The following UPF2 variants were observed in gnomAD, a reference collection of about 807,000 sequenced individuals.
UPF2 encodes regulator of nonsense transcripts 2.
A neutral mutation model predicts 141.4 loss-of-function variants in UPF2; 17 were observed. That is an observed-to-expected ratio of 0.12 (90% CI 0.08 to 0.18). The LOEUF is 0.18. Ranked by LOEUF, UPF2 falls within the 10% of genes least tolerant of loss-of-function variation. The pLI is 1.00. For synonymous variants in UPF2, 540 were observed against 498.0 expected (o/e 1.08, Z -1.12); for missense variants, 1,152 against 1,515.9 (o/e 0.76, Z 3.99).
At chr10:11,945,052 T>C (rs1190186091) in intron 16 of UPF2, among the ~76,000 whole-genome samples, 1 of 152,238 alleles carries the variant, frequency 6.6e-6, no homozygotes, top group Non-Finnish European at 1.5e-5. Flanking sequence ...CCATGAACAA[T>C]AAATGCTCAG....
In UPF2 at chr10:12,004,452, A is replaced by G. The variant is rs1834001669; in HGVS notation, c.1504+78T>C. ...TACAAAACTAGTAACTACAATATAT[A>G]TATTTTTTTTTTACAAATACTATTT... On this transcript the variant is annotated intron_variant, in intron 5 of 21. Coordinates refer to ENST00000357604, the MANE Select transcript of UPF2 (RefSeq NM_015542.4). 3 of 1,129,798 alleles carry G rather than the reference A, an allele frequency of 2.7e-6. No individual in the cohort carries two copies. The East Asian group carries it at 7.8e-5, about 29-fold the overall frequency. 70.0% of individuals were successfully genotyped at this position (1,129,798 alleles called of 1,614,324 possible). A position where few individuals can be genotyped will look rare whatever the true frequency, so the allele number is the denominator to read the frequency against.
At chr10:11,996,557 T>G (rs1364643156) in intron 8 of UPF2, among the ~76,000 whole-genome samples, 2 of 152,198 alleles carry the variant, frequency 1.3e-5, no homozygotes, top group East Asian at 3.9e-4. Flanking sequence ...TTGGTCAGGC[T>G]GGTCTCAAAC....
chr10:11,988,870 G>A (rs909818027), intron 8 of UPF2, among the ~76,000 whole-genome samples: 1 of 152,220 alleles, frequency 6.6e-6, no homozygotes, highest in Non-Finnish European at 1.5e-5. Flanking sequence ...TCAAAGGATA[G>A]AGAAAGCTGT....
chr10:11,959,104 CT>C lies in UPF2; in HGVS notation c.2370+66del. 1 of 1,483,642 alleles carries C rather than the reference CT, an allele frequency of 6.7e-7. No individual in the cohort carries two copies. 91.9% of individuals were successfully genotyped at this position (1,483,642 alleles called of 1,614,324 possible). On this transcript the variant is annotated intron_variant, in intron 12 of 21. Coordinates refer to ENST00000357604, the MANE Select transcript of UPF2 (RefSeq NM_015542.4). The surrounding 1 kb of genome is among the most constrained non-coding windows in gnomAD (Gnocchi z 5.9). ...GCTCTACCCCCACTTCTCCTAGACT[CT>C]ACATAAGCTTAGCACTACCACAAAT...
Position 11,940,306 on chromosome 10 carries a change from G to A in UPF2, c.3378+2359C>T, listed in dbSNP as rs184726247. On this transcript the variant is annotated intron_variant, in intron 18 of 21. Transcript: ENST00000357604. The surrounding 1 kb of genome is among the most constrained non-coding windows in gnomAD (Gnocchi z 4.2). Reference sequence around the variant, plus strand: ...AACTTCTATTCCTTTGACTTCATCAGCTTTTCTACCTTATTTCTAAATGTT... The same window carrying A: ...AACTTCTATTCCTTTGACTTCATCAACTTTTCTACCTTATTTCTAAATGTT... 1.3e-5 allele frequency among the ~76,000 whole-genome samples: 2 copies of A among 152,100 alleles called. No homozygotes were observed. The highest frequency in any genetic ancestry group is 4.8e-5 in the African/African-American group (2 of 41,388).
chr10:11,938,480 C>T (rs1832881613), intron 18 of UPF2, among the ~76,000 whole-genome samples: 1 of 152,148 alleles, frequency 6.6e-6, no homozygotes, highest in Admixed American at 6.5e-5. Flanking sequence ...GACTGATAGA[C>T]ATTTACAAAC....
intron 12 of UPF2, among the ~76,000 whole-genome samples, chr10:11,957,821 T>C (rs1366640431): frequency 6.6e-6 from 1 of 152,040 alleles, no homozygotes; most frequent in Non-Finnish European, 1.5e-5. Flanking sequence ...CAGCTAATAA[T>C]CTCACTTAAA....
intron 8 of UPF2, among the ~76,000 whole-genome samples, chr10:11,982,218 T>C (rs946952016): frequency 7.2e-5 from 11 of 152,206 alleles, no homozygotes; most frequent in Non-Finnish European, 1.5e-4. Flanking sequence ...AAATATAGGA[T>C]TTAAATCTAT....
Position 12,029,099 on chromosome 10 carries a change from G to A in UPF2, c.791C>T (p.Thr264Ile). 1 of 1,614,218 alleles carries A rather than the reference G, an allele frequency of 6.2e-7. No individual in the cohort carries two copies. The highest frequency in any genetic ancestry group is 8.5e-7 in the Non-Finnish European group (1 of 1,180,044). The change falls in exon 3 of 22, where the codon ACT (threonine) becomes ATT (isoleucine). Residue 264 changes from threonine to isoleucine, a missense_variant. Thr to Ile is a moderately conservative substitution (Grantham distance 89). Transcript: ENST00000357604. ...EKTPNITKLR[T>I]DLRFIAELTI... ...CAATTCTGCAATAAAACGCAAATCA[G>A]TTCTTAACTTGGTGATGTTAGGTGT...
At position 11,959,479 on chromosome 10, in the gene UPF2, A is replaced by ACTGGG; in HGVS notation, c.2185-128_2185-124dup. The ACTGGG allele has an allele frequency of 9.6e-7, 1 of 1,043,080 alleles. No individual in the cohort carries two copies. Among genetic ancestry groups the ACTGGG allele is most frequent in the Non-Finnish European group, 1.3e-6 (1 of 753,170 alleles). 64.6% of individuals were successfully genotyped at this position (1,043,080 alleles called of 1,614,324 possible). ...AATGGGTTAGAAAGGCAAAGAAAGG[A>ACTGGG]CTGGGCACTGTGGCTCACACCTATA... On this transcript the variant is annotated intron_variant, in intron 11 of 21. Coordinates refer to ENST00000357604, the MANE Select transcript of UPF2 (RefSeq NM_015542.4). The surrounding 1 kb of genome is among the most constrained non-coding windows in gnomAD (Gnocchi z 5.9).
chr10:11,967,490 A>G, intron 9 of UPF2, 36 bp from the exon 10 acceptor site: 1 of 1,257,392 alleles, frequency 8.0e-7, no homozygotes, highest in Non-Finnish European at 1.1e-6. Flanking sequence ...TGCTTAATCA[A>G]CATTTTGAAT....
intron 7 of UPF2, among the ~76,000 whole-genome samples, chr10:11,999,006 C>T (rs1833909086): frequency 7.6e-6 from 1 of 131,212 alleles, no homozygotes; most frequent in Non-Finnish European, 1.6e-5. Flanking sequence ...GACCGGGCAA[C>T]AGAGCAAGAC....
intron 21 of UPF2, among the ~76,000 whole-genome samples, chr10:11,929,235 A>G (rs1304699887): frequency 6.6e-6 from 1 of 152,248 alleles, no homozygotes; most frequent in African/African-American, 2.4e-5. Context: ...GTAAACATCG[A>G]TATTAATTAA....
chr10:12,013,634 C>A (rs1051301349), intron 4 of UPF2, among the ~76,000 whole-genome samples: 1 of 152,096 alleles, frequency 6.6e-6, no homozygotes, highest in African/African-American at 2.4e-5. Flanking sequence ...ATCTATTACA[C>A]AAGAACCTGA....
intron 21 of UPF2, among the ~76,000 whole-genome samples, chr10:11,922,866 G>A (rs1303641277): frequency 1.3e-5 from 2 of 151,506 alleles, no homozygotes; most frequent in Non-Finnish European, 2.9e-5. Flanking sequence ...GTGAGACCTC[G>A]ACTCCACTAA....
chr10:12,038,112 G>A (rs111948980), intron 1 of UPF2, among the ~76,000 whole-genome samples: 329 of 152,322 alleles, frequency 2.2e-3, no homozygotes, highest in African/African-American at 7.6e-3. Context: ...GCTGGGTGCG[G>A]TGGCTCATGC....
intron 16 of UPF2, 128 bp downstream of exon 16, chr10:11,948,241 C>CT: frequency 1.1e-6 from 1 of 918,430 alleles, no homozygotes; most frequent in Non-Finnish European, 1.5e-6. Flanking sequence ...GAGCAAGACT[C>CT]TGTCTCAAAA....
At position 11,940,173 on chromosome 10, in the gene UPF2, C is replaced by T; in HGVS notation, c.3378+2492G>A. On this transcript the variant is annotated intron_variant, in intron 18 of 21. Coordinates refer to ENST00000357604, the MANE Select transcript of UPF2 (RefSeq NM_015542.4). The surrounding 1 kb of genome is among the most constrained non-coding windows in gnomAD (Gnocchi z 4.2). The stretch of plus-strand genomic sequence containing the variant: ...TTTCTCCAGCACAAAAAGCACATCT[C>T]CTGCAAAAATGTGAATTCGAACTTC... 6.6e-6 allele frequency among the ~76,000 whole-genome samples: 1 copy of T among 152,184 alleles called. No individual in the cohort carries two copies. Among genetic ancestry groups the T allele is most frequent in the Non-Finnish European group, 1.5e-5 (1 of 68,024 alleles).
rs1340989311 is a variant in UPF2, at chr10:11,936,611, T to A, written c.3480A>T (p.Glu1160Asp). The part of the protein sequence containing the change: ...LRKGPPLGGG[E>D]GEAESADTMP... ...TTGTGTCTGCAGACTCAGCCTCTCC[T>A]TCCCCACCTCCCAGTGGGGGCCCTT... The change falls in exon 19 of 22, where the codon GAA (glutamate) becomes GAT (aspartate). Residue 1160 changes from glutamate (E) to aspartate (D), a missense_variant. Coordinates refer to ENST00000357604, the MANE Select transcript of UPF2 (RefSeq NM_015542.4). The surrounding 1 kb of genome is among the most constrained non-coding windows in gnomAD (Gnocchi z 6.6). 6.2e-7 allele frequency: 1 copy of A among 1,613,350 alleles called. No homozygotes were observed. The highest frequency in any genetic ancestry group is 8.5e-7 in the Non-Finnish European group (1 of 1,179,688).
Sources: gnomAD v4.1 joint callset for allele counts (sites outside exome capture counted in the v4.1 genomes callset) on GRCh38, gnomAD v4.1.1 for gene constraint, Gnocchi (gnomAD v3.1) non-coding constraint, MANE v1.5 for transcripts, NCBI Gene and HGNC (gene_info 2026-07-23, HGNC 2026-07-21) for gene names.